The following DNAI3 variants were observed in gnomAD, a reference collection of about 807,000 sequenced individuals.
The protein encoded by DNAI3 is WD repeat domain 63.
In DNAI3, 83 loss-of-function variants were observed where a neutral mutation model predicts 115.5. That is an observed-to-expected ratio of 0.72 (90% CI 0.60 to 0.86). DNAI3 has a LOEUF of 0.86. DNAI3 is among the 40% of genes least tolerant of loss of function. The probability of loss-of-function intolerance (pLI) is 0.00; values close to 1 mark genes in which losing one functional copy is unlikely to be tolerated. For missense variants in DNAI3, 1,004 were observed against 1,075.8 expected (o/e 0.93, Z 0.93); for synonymous variants, 320 against 347.0 (o/e 0.92, Z 0.86).
At chr1:85,082,011 G>T (rs1272676497) in intron 4 of DNAI3, among the ~76,000 whole-genome samples, 1 of 152,102 alleles carries the variant, frequency 6.6e-6, no homozygotes, top group Non-Finnish European at 1.5e-5. Flanking sequence ...CATAATTTTG[G>T]TTCTGATTTA....
At chr1:85,090,833 A>G (rs962349841) in intron 8 of DNAI3, among the ~76,000 whole-genome samples, 1 of 152,202 alleles carries the variant, frequency 6.6e-6, no homozygotes, top group Non-Finnish European at 1.5e-5. Flanking sequence ...CCAAGCTGAT[A>G]CTAGAGTTTA....
At chr1:85,117,098 T>C (rs1403010975) in intron 16 of DNAI3, among the ~76,000 whole-genome samples, 6 of 152,174 alleles carry the variant, frequency 3.9e-5, no homozygotes, top group Non-Finnish European at 8.8e-5. Context: ...GAGGGTTTTA[T>C]GAGCATATAT....
At chr1:85,077,150 G>A (rs1654482123) in intron 3 of DNAI3, among the ~76,000 whole-genome samples, 1 of 152,146 alleles carries the variant, frequency 6.6e-6, no homozygotes, top group Non-Finnish European at 1.5e-5. Context: ...TCCAAAAATA[G>A]ACCACATGTG....
At chr1:85,115,883 C>T (rs1172804444) in intron 16 of DNAI3, among the ~76,000 whole-genome samples, 2 of 152,194 alleles carry the variant, frequency 1.3e-5, no homozygotes, top group African/African-American at 4.8e-5. Flanking sequence ...TTGTCTCCTG[C>T]TGTGCTGACC....
At chr1:85,079,017 T>C (rs1654546697) in intron 3 of DNAI3, among the ~76,000 whole-genome samples, 1 of 152,234 alleles carries the variant, frequency 6.6e-6, no homozygotes, top group South Asian at 2.1e-4. Flanking sequence ...TCAAGGATGA[T>C]AAAAAGCTTT....
chr1:85,116,419 T>C (rs1231737882), intron 16 of DNAI3, among the ~76,000 whole-genome samples: 2 of 152,218 alleles, frequency 1.3e-5, no homozygotes, highest in Non-Finnish European at 2.9e-5. Context: ...TTGTCTCCCC[T>C]TGTGAGACCA....
At chr1:85,096,498 TTATATATAAAGATTATATATAAAGATTA>T (rs1557716042) in intron 11 of DNAI3, among the ~76,000 whole-genome samples, 1 of 140,358 alleles carries the variant, frequency 7.1e-6, no homozygotes, top group Non-Finnish European at 1.5e-5. Flanking sequence ...TATATAAAGA[TTATATATAAAGATTATATATAAAGATTA>T]TATATATATA....
At chr1:85,091,889 C>T (rs750112786) in intron 8 of DNAI3, among the ~76,000 whole-genome samples, 70 of 152,304 alleles carry the variant, frequency 4.6e-4, no homozygotes, top group Non-Finnish European at 6.6e-4. Flanking sequence ...ATTACTTCCC[C>T]GTTCTGGCTA....
chr1:85,109,082 C>A (rs1289957240), intron 15 of DNAI3, among the ~76,000 whole-genome samples: 1 of 152,164 alleles, frequency 6.6e-6, no homozygotes, highest in African/African-American at 2.4e-5. Context: ...CTTGATAATA[C>A]CTATGACCAA....
chr1:85,077,778 T>C (rs1322347274), intron 3 of DNAI3, among the ~76,000 whole-genome samples: 1 of 152,082 alleles, frequency 6.6e-6, no homozygotes, highest in Non-Finnish European at 1.5e-5. Flanking sequence ...GGTATGTGCA[T>C]ATATTTATCA....
chr1:85,111,854 A>G (rs921265523), intron 16 of DNAI3, among the ~76,000 whole-genome samples: 30 of 152,160 alleles, frequency 2.0e-4, no homozygotes, highest in African/African-American at 7.2e-4. Context: ...GCTTTGACAT[A>G]TGTACACACC....
chr1:85,067,574 C>A (rs1261773354), intron 1 of DNAI3, among the ~76,000 whole-genome samples: 1 of 152,108 alleles, frequency 6.6e-6, no homozygotes, highest in Non-Finnish European at 1.5e-5. Flanking sequence ...ATTCCTGGAA[C>A]CTGTGGATAT....
chr1:85,099,681 A>G (rs1350158724), intron 13 of DNAI3, among the ~76,000 whole-genome samples: 5 of 152,374 alleles, frequency 3.3e-5, no homozygotes, highest in African/African-American at 1.2e-4. Flanking sequence ...CTAAGCCAAA[A>G]GAACAAAGCC....
Position 85,108,164 on chromosome 1 carries a change from A to G in DNAI3, c.1685A>G (p.Lys562Arg). Residue 562 changes from lysine to arginine, a missense_variant, in exon 15 of 23, where the codon AAA (lysine) becomes AGA (arginine). Lys to Arg is a conservative substitution (Grantham distance 26). Around this residue, in one of 3 missense-constraint regions of DNAI3, gnomAD observed 429 missense variants for 454.3 expected, o/e 0.94. Transcript: ENST00000294664. Reference sequence around the variant, plus strand: ...TTTTTGCATCTGGATCTCTCCTGGAAACCTCTCACTAAGGTAAGTAATGTG... The same window carrying G: ...TTTTTGCATCTGGATCTCTCCTGGAGACCTCTCACTAAGGTAAGTAATGTG... Reference protein sequence around the residue: ...STFLHLDLSWKPLTKVRLSKG... With the variant: ...STFLHLDLSWRPLTKVRLSKG... 1 of 1,598,922 alleles carries G rather than the reference A, an allele frequency of 6.3e-7. No individual in the cohort carries two copies. The highest frequency in any genetic ancestry group is 1.3e-5 in the African/African-American group (1 of 74,230).
chr1:85,098,642 T>C lies in DNAI3; in HGVS notation c.1463T>C (p.Leu488Ser). 2 of 1,613,024 alleles carry C rather than the reference T, an allele frequency of 1.2e-6. No homozygotes were observed. Among genetic ancestry groups the C allele is most frequent in the Non-Finnish European group, 1.7e-6 (2 of 1,179,536 alleles). The change falls in exon 13 of 23, where the codon TTG becomes TCG. Residue 488 changes from leucine (L) to serine (S), a missense_variant. By Grantham distance (145) the Leu-to-Ser change is moderately radical. Coordinates refer to ENST00000294664, the MANE Select transcript of DNAI3 (RefSeq NM_145172.5). ...AAAGTAATTACAGATATACACTGGT[T>C]GTCTGACACATTTGAGGTGAGACTT... Reference protein sequence around the residue: ...HKKVITDIHWLSDTFEINRMG... With the variant: ...HKKVITDIHWSSDTFEINRMG...
At chr1:85,101,596 CG>C (rs1557718069) in intron 13 of DNAI3, among the ~76,000 whole-genome samples, 2 of 151,618 alleles carry the variant, frequency 1.3e-5, no homozygotes, top group Non-Finnish European at 2.9e-5. Flanking sequence ...GGCGTGGTGG[CG>C]GGCGCCTGTA....
At chr1:85,123,220 C>A (rs1656038981) in intron 18 of DNAI3, among the ~76,000 whole-genome samples, 1 of 152,220 alleles carries the variant, frequency 6.6e-6, no homozygotes, top group South Asian at 2.1e-4. Flanking sequence ...AGAACTGCCA[C>A]TGCAGCCTCC....
At chr1:85,117,962 A>G (rs1434803397) in intron 17 of DNAI3, 103 bp downstream of exon 17, 2 of 1,350,008 alleles carry the variant, frequency 1.5e-6, no homozygotes, top group African/African-American at 3.0e-5. Context: ...CATAAAAGTT[A>G]TACCATTTTC....
At chr1:85,105,798 C>A (rs559199388) in intron 14 of DNAI3, among the ~76,000 whole-genome samples, 5 of 152,128 alleles carry the variant, frequency 3.3e-5, no homozygotes, top group Non-Finnish European at 7.4e-5. Context: ...CATTGTGTCC[C>A]GCTGCTCAAG....
Sources: allele counts gnomAD v4.1 joint callset (sites outside exome capture counted in the v4.1 genomes callset), GRCh38; gene constraint gnomAD v4.1.1; regional missense constraint gnomAD v4.1.1; transcripts MANE v1.5; gene names NCBI Gene and HGNC (gene_info 2026-07-23, HGNC 2026-07-21).